The following TGIF1 variants were observed in gnomAD, a reference collection of about 807,000 sequenced individuals.
TGIF1 encodes the protein homeobox protein TGIF1.
A neutral mutation model predicts 19.3 loss-of-function variants in TGIF1; 4 were observed. The observed-to-expected ratio is 0.21, with a 90% CI of 0.10 to 0.47. The LOEUF (loss-of-function observed/expected upper bound fraction) is 0.47, where lower values mean the gene tolerates loss of function less well. Among genes scored for constraint, TGIF1 ranks in the 20% least tolerant of loss-of-function variants. The pLI is 0.98. For synonymous variants in TGIF1, 122 were observed against 129.3 expected, an observed-to-expected ratio of 0.94 and a Z score of 0.38; for missense variants, 275 against 341.4, an observed-to-expected ratio of 0.81 and a Z score of 1.53.
chr18:3,450,488 G>A lies in TGIF1; in HGVS notation c.-2G>A. The A allele has an allele frequency of 1.9e-6, 3 of 1,562,120 alleles. No homozygotes were observed. The highest frequency in any genetic ancestry group is 1.7e-6 in the Non-Finnish European group (2 of 1,153,408). On this transcript the variant is annotated 5_prime_UTR_variant, in exon 1 of 3. Transcript: ENST00000343820. ...GCCTCGCGCTGGGAGGGGAGATCCA[G>A]AATGAAAGGCAAGAAAGGTAAGGCG...
intron 1 of TGIF1, chr18:3,415,597 C>T (rs1254549201): frequency 1.7e-5 from 4 of 230,828 alleles, no homozygotes; most frequent in Non-Finnish European, 3.7e-5. Context: ...ACATGCCCAA[C>T]GCCTTTTGAA....
At chr18:3,437,585 T>C (rs1458286410) in intron 2 of TGIF1, among the ~76,000 whole-genome samples, 1 of 152,220 alleles carries the variant, frequency 6.6e-6, no homozygotes, top group Non-Finnish European at 1.5e-5. Context: ...GAAAGCTTTT[T>C]TCTAAACAGC....
At chr18:3,444,934 G>A (rs1211428745) in intron 2 of TGIF1, among the ~76,000 whole-genome samples, 1 of 152,120 alleles carries the variant, frequency 6.6e-6, no homozygotes, top group Non-Finnish European at 1.5e-5. Context: ...CTCCCCATGG[G>A]GATTTCTATC....
Position 3,450,350 on chromosome 18 carries a change from GT to G in TGIF1, c.-137del. On this transcript the variant is annotated 5_prime_UTR_variant, in exon 1 of 3. Coordinates refer to ENST00000343820, the MANE Select transcript of TGIF1 (RefSeq NM_003244.4). ...CGGGCGCCTGGGATCAGAGCGTCCTGTTTAGCAATAACGGCTGGAGCACGTC... is the reference window on the plus strand; with the variant it reads ...CGGGCGCCTGGGATCAGAGCGTCCTGTTAGCAATAACGGCTGGAGCACGTC... The G allele has an allele frequency of 6.6e-7, 1 of 1,506,082 alleles. No homozygotes were observed. Among genetic ancestry groups the G allele is most frequent in the Non-Finnish European group, 8.9e-7 (1 of 1,123,294 alleles). The allele number at this position is 1,506,082 out of a possible 1,614,324, so 93.3% of individuals were successfully genotyped here.
In TGIF1 at chr18:3,451,400, A is replaced by G; in HGVS notation, c.16+895A>G. On this transcript the variant is annotated intron_variant, in intron 1 of 2. Transcript: ENST00000343820. The surrounding 1 kb of genome is among the most constrained non-coding windows in gnomAD (Gnocchi z 5.4). ...AACACCCCGAAAGGTCAGAGTGTGA[A>G]GTCCCTTTTGAAGTTAACAAAAATT... 7.1e-6 allele frequency: 7 copies of G among 985,420 alleles called. No individual in the cohort carries two copies. Among genetic ancestry groups the G allele is most frequent in the Middle Eastern group, 5.2e-4 (1 of 1,914 alleles). 61.0% of individuals were successfully genotyped at this position (985,420 alleles called of 1,614,324 possible). A position where few individuals can be genotyped will look rare whatever the true frequency, so the allele number is the denominator to read the frequency against.
At chr18:3,453,263 C>T (rs1456907258) in intron 1 of TGIF1, among the ~76,000 whole-genome samples, 1 of 152,068 alleles carries the variant, frequency 6.6e-6, no homozygotes, top group Non-Finnish European at 1.5e-5. Context: ...GGTCAGGAAA[C>T]TTGTTGAGTT....
Position 3,456,517 on chromosome 18 carries a change from T to G in TGIF1, c.180T>G (p.Asn60Lys). The G allele has an allele frequency of 6.2e-7, 1 of 1,614,218 alleles. No homozygotes were observed. Among genetic ancestry groups the G allele is most frequent in the Non-Finnish European group, 8.5e-7 (1 of 1,180,038 alleles). The change falls in exon 2 of 3, where the codon AAT (asparagine) becomes AAG (lysine). Residue 60 changes from asparagine to lysine, a missense_variant. Physicochemically the swap from Asn to Lys is moderately conservative, Grantham distance 94. Transcript: ENST00000343820. This position sits in a 1 kb window ranked among gnomAD's most constrained non-coding sequence, Gnocchi z 4.2. ...LRDWLYEHRY[N>K]AYPSEQEKAL... is the part of the protein sequence containing the mutation. ...ATTGGCTGTATGAGCACCGTTACAA[T>G]GCCTATCCTTCAGAGCAAGAAAAAG...
upstream of TGIF1, chr18:3,448,715 G>GTTTTTTTTT (rs2082800740): frequency 6.9e-6 from 3 of 432,112 alleles, no homozygotes; most frequent in African/African-American, 1.3e-4. Flanking sequence ...GGGCGGGGGT[G>GTTTTTTTTT]TCTTTTTTTT....
upstream of TGIF1, chr18:3,450,109 G>A (rs2082854289): frequency 9.4e-6 from 10 of 1,068,098 alleles, no homozygotes; most frequent in Non-Finnish European, 1.1e-5. Context: ...GGCGGGAGGG[G>A]GACGGGGCGG....
Position 3,459,803 on chromosome 18 carries a change from T to A in TGIF1, c.*1863T>A, listed in dbSNP as rs1490915851. The stretch of plus-strand genomic sequence containing the variant: ...TTCATTTTTTCCCTATTGAGGTTGT[T>A]ACAGGTCATGGTTGATAATAGTTGG... On this transcript the variant is annotated 3_prime_UTR_variant, in exon 3 of 3. Coordinates refer to ENST00000343820, the MANE Select transcript of TGIF1 (RefSeq NM_003244.4). 6.6e-6 allele frequency: 1 copy of A among 152,250 alleles called. No individual in the cohort carries two copies. Among genetic ancestry groups the A allele is most frequent in the Non-Finnish European group, 1.5e-5 (1 of 68,054 alleles). 9.4% of individuals were successfully genotyped at this position (152,250 alleles called of 1,614,324 possible). A position where few individuals can be genotyped will look rare whatever the true frequency, so the allele number is the denominator to read the frequency against.
At chr18:3,428,752 A>G (rs2082507996) in intron 2 of TGIF1, among the ~76,000 whole-genome samples, 2 of 151,514 alleles carry the variant, frequency 1.3e-5, no homozygotes, top group Non-Finnish European at 2.9e-5. Flanking sequence ...AAAAAATGTT[A>G]TTTTATAGGT....
chr18:3,452,137 C>A, intron 1 of TGIF1: 1 of 1,613,860 alleles, frequency 6.2e-7, no homozygotes, highest in Non-Finnish European at 8.5e-7. Context: ...CCCCGACTCT[C>A]CCGCGGCACT....
intron 2 of TGIF1, among the ~76,000 whole-genome samples, chr18:3,423,947 G>A (rs909926342): frequency 1.7e-4 from 26 of 152,118 alleles, no homozygotes; most frequent in African/African-American, 6.0e-4. Context: ...AATTAAAGCA[G>A]CTATCTTAAA....
At chr18:3,442,876 A>G in intron 2 of TGIF1, among the ~76,000 whole-genome samples, 1 of 152,258 alleles carries the variant, frequency 6.6e-6, no homozygotes, top group Admixed American at 6.5e-5. Flanking sequence ...TACCTGGGAG[A>G]TAGACAAATA....
chr18:3,452,455 C>T (rs1355780307), intron 1 of TGIF1: 19 of 1,602,428 alleles, frequency 1.2e-5, no homozygotes, highest in Middle Eastern at 1.6e-4. Flanking sequence ...CGAGGTTACC[C>T]GGGTTTCTTT....
chr18:3,438,823 C>G (rs2082648017), intron 2 of TGIF1, among the ~76,000 whole-genome samples: 2 of 152,018 alleles, frequency 1.3e-5, no homozygotes, highest in African/African-American at 2.4e-5. Context: ...TAGGACTATC[C>G]AGAAGAGAAG....
chr18:3,426,010 G>A (rs576729201), intron 2 of TGIF1, among the ~76,000 whole-genome samples: 19 of 152,092 alleles, frequency 1.2e-4, no homozygotes, highest in African/African-American at 4.3e-4. Context: ...ATCCTACGTT[G>A]TGAGAGTATA....
At chr18:3,429,459 CAA>C (rs74270573) in intron 2 of TGIF1, among the ~76,000 whole-genome samples, 1 of 134,992 alleles carries the variant, frequency 7.4e-6, no homozygotes, top group Admixed American at 7.4e-5. Flanking sequence ...ACATTCCAAG[CAA>C]AAAAAAAAAT....
chr18:3,412,149 C>A, exon 1 of TGIF1: 1 of 152,516 alleles, frequency 6.6e-6, no homozygotes. Context: ...CCTGCGGTTC[C>A]AGCCCCGCCG....
Sources: allele counts gnomAD v4.1 joint callset (sites outside exome capture counted in the v4.1 genomes callset), GRCh38; gene constraint gnomAD v4.1.1; non-coding constraint Gnocchi (gnomAD v3.1); transcripts MANE v1.5; gene names NCBI Gene and HGNC (gene_info 2026-07-23, HGNC 2026-07-21).